Variants in AFTPH observed in about 807,000 individuals in gnomAD.
The protein encoded by AFTPH is aftiphilin.
In AFTPH, 7 loss-of-function variants were observed where a neutral mutation model predicts 72.5. The ratio of observed to expected loss-of-function variants is 0.10; its 90% CI spans 0.05 to 0.18. The LOEUF is 0.18. AFTPH is among the 10% of genes least tolerant of loss of function. The pLI, the probability that AFTPH is intolerant of heterozygous loss-of-function variation, is 1.00. For synonymous variants in AFTPH, 337 were observed against 370.1 expected, an observed-to-expected ratio of 0.91 and a Z score of 1.03; for missense variants, 979 against 1,060.5, an observed-to-expected ratio of 0.92 and a Z score of 1.07.
exon 2 of AFTPH, chr2:64,552,147 C>G: frequency 6.2e-7 from 1 of 1,614,038 alleles, no homozygotes; most frequent in Non-Finnish European, 8.5e-7. Context: ...AGACTCTGTA[C>G]CTAGTCCTGC....
chr2:64,554,121 A>G (rs898350829), intron 2 of AFTPH, among the ~76,000 whole-genome samples: 3 of 152,180 alleles, frequency 2.0e-5, no homozygotes, highest in African/African-American at 7.2e-5. Context: ...CTTTCTTACA[A>G]ATGTACTTGT....
At chr2:64,541,559 A>G (rs1455923462) in intron 1 of AFTPH, among the ~76,000 whole-genome samples, 1 of 152,172 alleles carries the variant, frequency 6.6e-6, no homozygotes, top group East Asian at 1.9e-4. Flanking sequence ...CCAAATCTTC[A>G]TGTGGTTCAG....
At chr2:64,552,526 A>C in exon 2 of AFTPH, 2 of 1,614,100 alleles carry the variant, frequency 1.2e-6, no homozygotes, top group East Asian at 2.2e-5. Flanking sequence ...AGGAGAGAAC[A>C]ATGTAAAACT....
chr2:64,567,697 G>A, exon 3 of AFTPH: 1 of 1,611,972 alleles, frequency 6.2e-7, no homozygotes, highest in Middle Eastern at 1.7e-4. Context: ...AACGAGAGAG[G>A]CCTTACCTGA....
intron 7 of AFTPH, among the ~76,000 whole-genome samples, chr2:64,585,146 T>G (rs556399940): frequency 1.2e-4 from 19 of 152,372 alleles, no homozygotes; most frequent in African/African-American, 4.1e-4. Context: ...ATAGAAATTT[T>G]AGAAGTATTT....
At chr2:64,560,393 A>T (rs1010177934) in intron 2 of AFTPH, among the ~76,000 whole-genome samples, 4 of 152,274 alleles carry the variant, frequency 2.6e-5, no homozygotes, top group Middle Eastern at 3.4e-3. Flanking sequence ...AAATAATAAT[A>T]ATTATAAAGA....
intron 1 of AFTPH, among the ~76,000 whole-genome samples, chr2:64,543,463 C>A (rs1670380120): frequency 6.6e-6 from 1 of 152,208 alleles, no homozygotes; most frequent in Admixed American, 6.5e-5. Flanking sequence ...TAAGGTCATA[C>A]AAATAATCTC....
At chr2:64,585,782 C>G (rs1461626990) in intron 8 of AFTPH, among the ~76,000 whole-genome samples, 1 of 150,414 alleles carries the variant, frequency 6.6e-6, no homozygotes, top group African/African-American at 2.5e-5. Flanking sequence ...TTTCTTCCCC[C>G]ACCCCCTGCC....
intron 1 of AFTPH, among the ~76,000 whole-genome samples, chr2:64,537,616 A>G (rs1434017852): frequency 6.6e-6 from 1 of 152,202 alleles, no homozygotes; most frequent in Non-Finnish European, 1.5e-5. Context: ...TGCTTTCTGA[A>G]AGTGAAAATT....
Position 64,569,078 on chromosome 2 carries a change from C to G in AFTPH, c.2088-14C>G, listed in dbSNP as rs750264271. 19 of 1,613,748 alleles carry G rather than the reference C, an allele frequency of 1.2e-5. No individual in the cohort carries two copies. Among genetic ancestry groups the G allele is most frequent in the Non-Finnish European group, 1.5e-5 (18 of 1,179,848 alleles). On this transcript the variant is annotated splice_polypyrimidine_tract_variant and intron_variant, in intron 3 of 8. Coordinates refer to ENST00000238856, the Ensembl canonical transcript of AFTPH. ...AGTAACCTGTTGTTGATGGCTTCAT[C>G]ATGGCCTTTGCAGGGAATTGCTAGA...
chr2:64,553,348 C>T, exon 2 of AFTPH: 2 of 1,610,728 alleles, frequency 1.2e-6, no homozygotes, highest in Non-Finnish European at 1.7e-6. Context: ...AGTGTACCTT[C>T]AGCAACTTCC....
chr2:64,584,778 A>T, intron 7 of AFTPH, among the ~76,000 whole-genome samples: 1 of 151,874 alleles, frequency 6.6e-6, no homozygotes, highest in East Asian at 1.9e-4. Flanking sequence ...TTGTATTTTT[A>T]GTAGAGACGG....
intron 6 of AFTPH, among the ~76,000 whole-genome samples, chr2:64,578,385 A>T (rs79796284): frequency 0.06 from 9,144 of 152,248 alleles, 508 homozygotes; most frequent in African/African-American, 0.14. Context: ...TTTTAACACC[A>T]TCCCCAAAAG....
intron 1 of AFTPH, among the ~76,000 whole-genome samples, chr2:64,525,065 G>T (rs1269419132): frequency 6.6e-6 from 1 of 152,220 alleles, no homozygotes; most frequent in Non-Finnish European, 1.5e-5. Flanking sequence ...GAGGCTGGCC[G>T]CGACCTGAGT....
chr2:64,537,565 AC>A (rs2103837435), intron 1 of AFTPH, among the ~76,000 whole-genome samples: 1 of 152,350 alleles, frequency 6.6e-6, no homozygotes, highest in African/African-American at 2.4e-5. Context: ...TAGATACTGG[AC>A]CAGAAAAGTT....
intron 5 of AFTPH, among the ~76,000 whole-genome samples, chr2:64,572,292 A>T (rs10496121): frequency 0.052 from 7,910 of 151,968 alleles, 465 homozygotes; most frequent in African/African-American, 0.14. Flanking sequence ...CTTCCTCTCT[A>T]AAAAGGCTGT....
At chr2:64,547,294 A>C (rs1670706509) in intron 1 of AFTPH, among the ~76,000 whole-genome samples, 1 of 152,152 alleles carries the variant, frequency 6.6e-6, no homozygotes, top group Non-Finnish European at 1.5e-5. Flanking sequence ...ATACTTTTGA[A>C]GATTACAGGC....
chr2:64,572,266 G>C (rs1489767312), intron 5 of AFTPH, among the ~76,000 whole-genome samples: 2 of 151,366 alleles, frequency 1.3e-5, no homozygotes, highest in African/African-American at 4.9e-5. Flanking sequence ...AAACCCTGTG[G>C]AACCTGTAAG....
chr2:64,550,726 CACACAA>C (rs1351000530), intron 1 of AFTPH, among the ~76,000 whole-genome samples: 14 of 135,668 alleles, frequency 1.0e-4, no homozygotes, highest in African/African-American at 4.1e-4. Context: ...CACACACACA[CACACAA>C]CTGGTGAAAT....
Sources: gnomAD v4.1 joint callset for allele counts (sites outside exome capture counted in the v4.1 genomes callset) on GRCh38, gnomAD v4.1.1 for gene constraint, MANE v1.5 for transcripts, NCBI Gene and HGNC (gene_info 2026-07-23, HGNC 2026-07-21) for gene names.